Variants in RNF25 observed in about 807,000 individuals in gnomAD.
RNF25 encodes the protein ring finger protein 25.
A neutral mutation model predicts 65.0 loss-of-function variants in RNF25; 32 were observed. The observed-to-expected ratio is 0.49, with a 90% CI of 0.37 to 0.66. The LOEUF (loss-of-function observed/expected upper bound fraction) is 0.66, where lower values mean the gene tolerates loss of function less well. Ranked by LOEUF, RNF25 falls within the 30% of genes least tolerant of loss-of-function variation. The pLI is 0.00. For missense variants in RNF25, 493 were observed against 584.8 expected, an observed-to-expected ratio of 0.84 and a Z score of 1.62; for synonymous variants, 207 against 221.2, an observed-to-expected ratio of 0.94 and a Z score of 0.57.
rs938588455 is a variant in RNF25 at position 218,667,992 on chromosome 2, A to T, written c.288-11T>A. The T allele has an allele frequency of 1.2e-6, 2 of 1,614,156 alleles. No homozygotes were observed. On this transcript the variant is annotated splice_polypyrimidine_tract_variant and intron_variant, in intron 4 of 9. Transcript: ENST00000295704. The stretch of plus-strand genomic sequence containing the variant: ...AGCACCTGTAAGATCCTGGAGGAAG[A>T]GGGCAAACCAAATATTAGACCTGCC...
chr2:218,666,613 T>C (rs902639804), intron 5 of RNF25, among the ~76,000 whole-genome samples: 6 of 152,242 alleles, frequency 3.9e-5, no homozygotes, highest in Non-Finnish European at 8.8e-5. Context: ...GCAATGTGTT[T>C]GTTCTAAGTC....
intron 2 of RNF25, 38 bp downstream of exon 2, chr2:218,668,567 C>T: frequency 1.4e-6 from 2 of 1,429,204 alleles, no homozygotes; most frequent in Non-Finnish European, 2.0e-6. Context: ...CTCCTCATTA[C>T]TAGGGGGACT....
At position 218,664,482 on chromosome 2, in the gene RNF25, T is replaced by A. The variant is rs2106334960; in HGVS notation, c.855A>T (p.Gln285His). 1 of 1,613,876 alleles carries A rather than the reference T, an allele frequency of 6.2e-7. No homozygotes were observed. Among genetic ancestry groups the A allele is most frequent in the African/African-American group, 1.3e-5 (1 of 74,890 alleles). Residue 285 changes from glutamine (Q) to histidine (H), a missense_variant, in exon 10 of 10, where the codon CAA becomes CAT. Around this residue, in one of 3 missense-constraint regions of RNF25, gnomAD observed 351 missense variants for 400.2 expected, o/e 0.88. Transcript: ENST00000295704. The surrounding 1 kb of genome is among the most constrained non-coding windows in gnomAD (Gnocchi z 5.1). ...ESAVDVSKGS[Q>H]PPSTLAAELS... ...GTTCTGCTGCAAGGGTGCTGGGTGG[T>A]TGGGATCCTTTGGAGACATCTACAG...
In RNF25 at chr2:218,664,421, G is replaced by A; in HGVS notation, c.916C>T (p.Pro306Ser). The A allele has an allele frequency of 6.2e-7, 1 of 1,614,214 alleles. No individual in the cohort carries two copies. Among genetic ancestry groups the A allele is most frequent in the South Asian group, 1.1e-5 (1 of 91,084 alleles). ...TGCTGGGTCGCCACAGGCAGAGGAG[G>A]TGGCAAAGTGGATTGGACGGCTGGT... ...TSPAVQSTLPPPLPVATQHIC... is the reference protein window; with the variant it reads ...TSPAVQSTLPSPLPVATQHIC... Residue 306 changes from proline to serine, a missense_variant, in exon 10 of 10, where the codon CCT becomes TCT. Coordinates refer to ENST00000295704, the MANE Select transcript of RNF25 (RefSeq NM_022453.3). The surrounding 1 kb of genome is among the most constrained non-coding windows in gnomAD (Gnocchi z 5.1).
At chr2:218,669,557 G>T (rs1939904132) in intron 1 of RNF25, among the ~76,000 whole-genome samples, 1 of 152,128 alleles carries the variant, frequency 6.6e-6, no homozygotes, top group Non-Finnish European at 1.5e-5. Flanking sequence ...GCCTGTTGAG[G>T]TTAGGATCCA....
chr2:218,664,989 T>G lies in RNF25; in HGVS notation c.667-116A>C. The stretch of plus-strand genomic sequence containing the variant: ...CTGGTTTTGCCCCTCAGGTCTGGGC[T>G]CCCAGAGTCTTAGGCTCCCGCCAGT... On this transcript the variant is annotated intron_variant, in intron 8 of 9. Transcript: ENST00000295704. The surrounding 1 kb of genome is among the most constrained non-coding windows in gnomAD (Gnocchi z 5.1). The G allele has an allele frequency of 6.7e-7, 1 of 1,498,430 alleles. No individual in the cohort carries two copies. The highest frequency in any genetic ancestry group is 9.1e-7 in the Non-Finnish European group (1 of 1,101,456). The allele number at this position is 1,498,430 out of a possible 1,614,324, so 92.8% of individuals were successfully genotyped here.
At position 218,666,154 on chromosome 2, in the gene RNF25, C is replaced by A; in HGVS notation, c.429+5G>T. 6.2e-7 allele frequency: 1 copy of A among 1,613,866 alleles called. No homozygotes were observed. The highest frequency in any genetic ancestry group is 8.5e-7 in the Non-Finnish European group (1 of 1,179,782). On this transcript the variant is annotated splice_donor_5th_base_variant and intron_variant, in intron 6 of 9. Transcript: ENST00000295704. ...AGAATGCCAGGTCCCAAGAGAGAAACCCACCTGGAAACCATAGAGGCAGAT... is the reference window on the plus strand; with the variant it reads ...AGAATGCCAGGTCCCAAGAGAGAAAACCACCTGGAAACCATAGAGGCAGAT...
chr2:218,668,173 G>A (rs1277216893), intron 3 of RNF25, 27 bp from the exon 4 acceptor site: 1 of 1,613,404 alleles, frequency 6.2e-7, no homozygotes, highest in Non-Finnish European at 8.5e-7. Flanking sequence ...ACAAGTTACT[G>A]CTGAAGCGGT....
At chr2:218,671,077 G>A (rs1371292188) in intron 1 of RNF25, among the ~76,000 whole-genome samples, 1 of 152,182 alleles carries the variant, frequency 6.6e-6, no homozygotes, top group Non-Finnish European at 1.5e-5. Context: ...GAAGGCTGAG[G>A]CAGAAGGATC....
intron 1 of RNF25, among the ~76,000 whole-genome samples, chr2:218,671,627 C>T (rs1179018888): frequency 6.6e-6 from 1 of 152,026 alleles, no homozygotes; most frequent in Non-Finnish European, 1.5e-5. Flanking sequence ...CCCCAAAGCC[C>T]CTGAGAAAAT....
chr2:218,669,205 A>G (rs1939897971), intron 1 of RNF25, among the ~76,000 whole-genome samples: 1 of 152,258 alleles, frequency 6.6e-6, no homozygotes. Flanking sequence ...AGGGTGGTAT[A>G]AAGGCTGTGT....
intron 1 of RNF25, 111 bp from the exon 2 acceptor site, chr2:218,668,790 C>G: frequency 2.6e-6 from 2 of 763,104 alleles, no homozygotes; most frequent in Non-Finnish European, 4.6e-6. Context: ...AGAATGCATT[C>G]TCCTGCTAAA....
Position 218,664,834 on chromosome 2 carries a change from C to T in RNF25, c.706G>A (p.Glu236Lys), listed in dbSNP as rs772309201. ...CTCTGGTAGAGCCGCTTGCGTTCTT[C>T]TTGCTGGCGCAAGCTCTCTGCACTG... ...QPSAESLRQQ[E>K]ERKRLYQRQQ... The change falls in exon 9 of 10, where the codon GAA becomes AAA. Residue 236 changes from glutamate (E) to lysine (K), a missense_variant. Physicochemically the swap from Glu to Lys is moderately conservative, Grantham distance 56. Coordinates refer to ENST00000295704, the MANE Select transcript of RNF25 (RefSeq NM_022453.3). This position sits in a 1 kb window ranked among gnomAD's most constrained non-coding sequence, Gnocchi z 5.1. 8.1e-6 allele frequency: 13 copies of T among 1,614,056 alleles called. No homozygotes were observed. Among genetic ancestry groups the T allele is most frequent in the Non-Finnish European group, 1.1e-5 (13 of 1,180,036 alleles).
At chr2:218,671,560 G>A (rs1939973097) in intron 1 of RNF25, among the ~76,000 whole-genome samples, 1 of 152,218 alleles carries the variant, frequency 6.6e-6, no homozygotes, top group Non-Finnish European at 1.5e-5. Context: ...GCCGGAACTG[G>A]AGGGCACTGG....
At position 218,664,785 on chromosome 2, in the gene RNF25, A is replaced by G. The variant is rs760512342; in HGVS notation, c.755T>C (p.Ile252Thr). The G allele has an allele frequency of 1.2e-6, 2 of 1,614,122 alleles. No homozygotes were observed. Among genetic ancestry groups the G allele is most frequent in the African/African-American group, 1.3e-5 (1 of 74,936 alleles). Reference protein sequence around the residue: ...YQRQQERGGIIDLEAERNRYF... With the variant: ...YQRQQERGGITDLEAERNRYF... Reference sequence around the variant, plus strand: ...TCGGTTTCGCTCAGCCTCAAGGTCAATGATTCCCCCCCGCTCCTGCTGCCT... The same window carrying G: ...TCGGTTTCGCTCAGCCTCAAGGTCAGTGATTCCCCCCCGCTCCTGCTGCCT... Residue 252 changes from isoleucine (I) to threonine (T), a missense_variant, in exon 9 of 10, where the codon ATT becomes ACT. Transcript: ENST00000295704. The surrounding 1 kb of genome is among the most constrained non-coding windows in gnomAD (Gnocchi z 5.1).
At chr2:218,671,627 C>G (rs1179018888) in intron 1 of RNF25, among the ~76,000 whole-genome samples, 1 of 152,026 alleles carries the variant, frequency 6.6e-6, no homozygotes. Flanking sequence ...CCCCAAAGCC[C>G]CTGAGAAAAT....
At chr2:218,671,395 C>T (rs1188738341) in intron 1 of RNF25, among the ~76,000 whole-genome samples, 1 of 152,088 alleles carries the variant, frequency 6.6e-6, no homozygotes, top group Non-Finnish European at 1.5e-5. Flanking sequence ...CTTCCATGTT[C>T]TAGTCTTTGG....
intron 7 of RNF25, 84 bp downstream of exon 7, chr2:218,665,832 G>A (rs1298417702): frequency 2.6e-6 from 4 of 1,518,952 alleles, no homozygotes; most frequent in Non-Finnish European, 3.5e-6. Flanking sequence ...AAAGTGAAGA[G>A]CCACTGGAGT....
At chr2:218,671,062 A>C (rs1295392073) in intron 1 of RNF25, among the ~76,000 whole-genome samples, 1 of 152,074 alleles carries the variant, frequency 6.6e-6, no homozygotes, top group African/African-American at 2.4e-5. Flanking sequence ...AGTCTCAGCT[A>C]CTCGGAAGGC....
Sources: gnomAD v4.1 joint callset for allele counts (sites outside exome capture counted in the v4.1 genomes callset) on GRCh38, gnomAD v4.1.1 for gene constraint, gnomAD v4.1.1 regional missense constraint, Gnocchi (gnomAD v3.1) non-coding constraint, MANE v1.5 for transcripts, NCBI Gene and HGNC (gene_info 2026-07-23, HGNC 2026-07-21) for gene names.